Variants in SYNDIG1L observed in about 807,000 individuals in gnomAD.
SYNDIG1L encodes the protein synapse differentiation inducing 1 like.
Under a neutral mutation model 20.1 loss-of-function variants are expected in SYNDIG1L, and 13 were observed. That is an observed-to-expected ratio of 0.65 (90% CI 0.42 to 1.03). The LOEUF (loss-of-function observed/expected upper bound fraction) is 1.03. Ranked by LOEUF, SYNDIG1L falls within the 50% of genes least tolerant of loss-of-function variation. The pLI is 0.00. For missense variants in SYNDIG1L, 294 were observed against 305.1 expected (o/e 0.96, Z 0.27); for synonymous variants, 128 against 129.3 (o/e 0.99, Z 0.07).
At chr14:74,468,607 C>T in the SYNDIG1L span, among the ~76,000 whole-genome samples, 133 of 152,292 alleles carry the variant, frequency 8.7e-4, 1 homozygote, top group African/African-American at 3.1e-3. Context: ...CCCACACACA[C>T]TGCAGTGGGA....
the SYNDIG1L span, among the ~76,000 whole-genome samples, chr14:74,465,032 C>G: frequency 3.2e-4 from 49 of 152,324 alleles, no homozygotes; most frequent in African/African-American, 1.1e-3. Context: ...GCAGACCTGC[C>G]TCCACTGGCT....
upstream of SYNDIG1L, among the ~76,000 whole-genome samples, chr14:74,426,928 A>T (rs1469799623): frequency 1.3e-5 from 2 of 151,928 alleles, no homozygotes; most frequent in East Asian, 3.9e-4. Context: ...CAGGTTCCTC[A>T]TGGACAAAGT....
the SYNDIG1L span, among the ~76,000 whole-genome samples, chr14:74,473,460 T>TA: frequency 6.6e-6 from 1 of 152,162 alleles, no homozygotes; most frequent in Admixed American, 6.5e-5. Flanking sequence ...GATGGATAAA[T>TA]AAAGACCTAG....
chr14:74,431,511 A>T, the SYNDIG1L span, among the ~76,000 whole-genome samples: 1 of 152,118 alleles, frequency 6.6e-6, no homozygotes, highest in Non-Finnish European at 1.5e-5. Context: ...TTATCTTTTA[A>T]TCCTCAAAAT....
the SYNDIG1L span, among the ~76,000 whole-genome samples, chr14:74,445,192 G>A: frequency 6.6e-6 from 1 of 152,098 alleles, no homozygotes; most frequent in African/African-American, 2.4e-5. Flanking sequence ...CATGTGATAT[G>A]TGCGATTCTC....
At chr14:74,426,844 A>G (rs1029186310), upstream of SYNDIG1L, among the ~76,000 whole-genome samples, 5 of 151,438 alleles carry the variant, frequency 3.3e-5, no homozygotes, top group African/African-American at 1.2e-4. Flanking sequence ...TTTAAAGCTC[A>G]TGGACCTAAG....
chr14:74,429,228 C>T (rs2086286962), upstream of SYNDIG1L, among the ~76,000 whole-genome samples: 2 of 152,104 alleles, frequency 1.3e-5, no homozygotes, highest in African/African-American at 4.8e-5. Context: ...AGGGTGAGGA[C>T]CACAGGTAAG....
the SYNDIG1L span, among the ~76,000 whole-genome samples, chr14:74,475,317 C>T: frequency 2.7e-4 from 41 of 151,408 alleles, no homozygotes; most frequent in African/African-American, 5.1e-4. Context: ...ATTAGAACCA[C>T]CTGAGGTGGG....
the SYNDIG1L span, chr14:74,476,697 C>G: frequency 1.3e-6 from 1 of 783,074 alleles, no homozygotes; most frequent in Non-Finnish European, 2.0e-6. Flanking sequence ...CTTGAGCCAC[C>G]TATGCAGGCC....
chr14:74,453,010 A>T, the SYNDIG1L span, among the ~76,000 whole-genome samples: 1 of 152,168 alleles, frequency 6.6e-6, no homozygotes. Context: ...CTCCATTTTT[A>T]TAAAATTCTA....
upstream of SYNDIG1L, among the ~76,000 whole-genome samples, chr14:74,430,984 A>G (rs543758972): frequency 2.0e-5 from 3 of 152,340 alleles, no homozygotes; most frequent in African/African-American, 7.2e-5. Context: ...ATAGTCAGAG[A>G]TCAATACCAA....
the SYNDIG1L span, among the ~76,000 whole-genome samples, chr14:74,463,972 A>G: frequency 6.6e-6 from 1 of 152,208 alleles, no homozygotes; most frequent in Non-Finnish European, 1.5e-5. Flanking sequence ...CTCAGGATCT[A>G]CACTGCGGCA....
At chr14:74,445,454 T>TTGTTTGTG in the SYNDIG1L span, among the ~76,000 whole-genome samples, 21 of 147,764 alleles carry the variant, frequency 1.4e-4, no homozygotes, top group African/African-American at 5.2e-4. Flanking sequence ...GTATTAAAAT[T>TTGTTTGTG]TGTGTGTGTG....
chr14:74,417,698 C>T (rs2086187651), intron 1 of SYNDIG1L, among the ~76,000 whole-genome samples: 1 of 152,176 alleles, frequency 6.6e-6, no homozygotes, highest in South Asian at 2.1e-4. Flanking sequence ...TCTGACTTCC[C>T]ACTCCTTTCA....
chr14:74,419,197 C>T (rs906696570), intron 1 of SYNDIG1L, among the ~76,000 whole-genome samples: 1 of 152,204 alleles, frequency 6.6e-6, no homozygotes, highest in African/African-American at 2.4e-5. Flanking sequence ...TTTCGCCTCC[C>T]TGGTTATCTG....
the SYNDIG1L span, among the ~76,000 whole-genome samples, chr14:74,469,221 T>C: frequency 6.6e-6 from 1 of 152,034 alleles, no homozygotes; most frequent in Non-Finnish European, 1.5e-5. Context: ...TCATGTCCTT[T>C]GTAGGGACAT....
the SYNDIG1L span, among the ~76,000 whole-genome samples, chr14:74,465,998 C>T: frequency 0.05 from 7,655 of 152,264 alleles, 395 homozygotes; most frequent in South Asian, 0.18. Flanking sequence ...CCAGCAGCAG[C>T]TACTGCCAGT....
chr14:74,428,994 G>C (rs2086285294), upstream of SYNDIG1L, among the ~76,000 whole-genome samples: 1 of 152,186 alleles, frequency 6.6e-6, no homozygotes, highest in African/African-American at 2.4e-5. Context: ...GGGTAATGCT[G>C]CTTAGCACCA....
upstream of SYNDIG1L, among the ~76,000 whole-genome samples, chr14:74,429,822 G>C (rs1236037726): frequency 6.6e-6 from 1 of 152,238 alleles, no homozygotes; most frequent in Non-Finnish European, 1.5e-5. Flanking sequence ...TAATGCTAGA[G>C]AGAACCCTGG....
Sources: gnomAD v4.1 joint callset for allele counts (sites outside exome capture counted in the v4.1 genomes callset) on GRCh38, gnomAD v4.1.1 for gene constraint, MANE v1.5 for transcripts, NCBI Gene and HGNC (gene_info 2026-07-23, HGNC 2026-07-21) for gene names.